Variants in DCP1B observed in about 807,000 individuals in gnomAD.
DCP1B encodes mRNA-decapping enzyme 1B.
DCP1B carries 47 observed loss-of-function variants against 60.5 expected under a neutral mutation model. The ratio of observed to expected loss-of-function variants is 0.78; its 90% CI spans 0.61 to 0.99. DCP1B has a LOEUF of 0.99. Ranked by LOEUF, DCP1B falls within the 50% of genes least tolerant of loss-of-function variation. DCP1B has a pLI of 0.00. For synonymous variants in DCP1B, 267 were observed against 280.3 expected (o/e 0.95, Z 0.47); for missense variants, 725 against 756.8 (o/e 0.96, Z 0.49).
Position 1,955,532 on chromosome 12 carries a change from A to G in DCP1B, c.551T>C (p.Ile184Thr). 6.2e-7 allele frequency: 1 copy of G among 1,613,784 alleles called. No homozygotes were observed. The change falls in exon 6 of 9, where the codon ATA (isoleucine) becomes ACA (threonine). Residue 184 changes from isoleucine (I) to threonine (T), a missense_variant. By Grantham distance (89) the Ile-to-Thr change is moderately conservative. Coordinates refer to ENST00000280665, the MANE Select transcript of DCP1B (RefSeq NM_152640.5). ...GTCATAGATGGCAGAGGAACTGGTT[A>G]TCTTTTTTGGCTCAGAACAGGTTTT... ...KCKTCSEPKK[I>T]TSSSAIYDNP...
intron 3 of DCP1B, chr12:1,992,968 C>T: frequency 1.7e-6 from 1 of 601,394 alleles, no homozygotes; most frequent in Non-Finnish European, 2.9e-6. Flanking sequence ...GAACTTGCCT[C>T]ACCCAGCCCT....
At chr12:1,961,953 G>A (rs1360316988) in intron 5 of DCP1B, among the ~76,000 whole-genome samples, 1 of 152,124 alleles carries the variant, frequency 6.6e-6, no homozygotes, top group Admixed American at 6.5e-5. Context: ...GGAGACACAG[G>A]AGAGTCTCAG....
chr12:1,973,212 A>T (rs919295895), intron 3 of DCP1B, among the ~76,000 whole-genome samples: 1 of 152,162 alleles, frequency 6.6e-6, no homozygotes, highest in African/African-American at 2.4e-5. Context: ...GCTTCTTTTC[A>T]TATGACATGG....
intron 6 of DCP1B, 61 bp from the exon 7 acceptor site, chr12:1,953,349 C>G: frequency 6.8e-7 from 1 of 1,478,424 alleles, no homozygotes; most frequent in Non-Finnish European, 9.0e-7. Flanking sequence ...TGAGGAAGTG[C>G]TATGAAACAT....
intron 5 of DCP1B, among the ~76,000 whole-genome samples, chr12:1,964,943 C>A (rs760909775): frequency 6.6e-6 from 1 of 152,088 alleles, no homozygotes; most frequent in Non-Finnish European, 1.5e-5. Context: ...CCCAGCTATT[C>A]TTTCTTGCAT....
Position 1,965,708 on chromosome 12 carries a change from G to A in DCP1B, c.387-15C>T. 1.3e-6 allele frequency: 2 copies of A among 1,592,078 alleles called. No homozygotes were observed. Among genetic ancestry groups the A allele is most frequent in the Non-Finnish European group, 1.7e-6 (2 of 1,171,944 alleles). On this transcript the variant is annotated splice_polypyrimidine_tract_variant and intron_variant, in intron 4 of 8. Coordinates refer to ENST00000280665, the MANE Select transcript of DCP1B (RefSeq NM_152640.5). ...ACTGAGTTAGGCTAGAAAAACAGAG[G>A]GGAAAATCCACACAAGAAAAGCCAA...
chr12:1,995,143 T>G (rs961174969), intron 2 of DCP1B, among the ~76,000 whole-genome samples: 38 of 152,180 alleles, frequency 2.5e-4, no homozygotes, highest in African/African-American at 8.9e-4. Context: ...AAGAAATCCT[T>G]GAAAATACAA....
At position 1,949,154 on chromosome 12, in the gene DCP1B, G is replaced by A. The variant is rs758143883; in HGVS notation, c.1705C>T (p.Pro569Ser). The A allele has an allele frequency of 1.2e-6, 2 of 1,614,130 alleles. No homozygotes were observed. The highest frequency in any genetic ancestry group is 8.5e-7 in the Non-Finnish European group (1 of 1,180,014). Residue 569 changes from proline (P) to serine (S), a missense_variant, in exon 8 of 9, where the codon CCC becomes TCC. By Grantham distance (74) the Pro-to-Ser change is moderately conservative (BLOSUM62 -1). Transcript: ENST00000280665. ...AGTGGGCTGCTGGTGATCACGGAGG[G>A]CTCCGGGCTCTGTATGGGCAGGAGG... is the stretch of plus-strand genomic sequence containing the variant. ...SLLLPIQSPE[P>S]SVITSSPLTK...
At chr12:1,994,473 AT>A (rs2040312862) in intron 2 of DCP1B, among the ~76,000 whole-genome samples, 1 of 152,202 alleles carries the variant, frequency 6.6e-6, no homozygotes, top group African/African-American at 2.4e-5. Context: ...TGCCTAGCTT[AT>A]TTTACAAAGG....
chr12:2,001,123 TAA>T (rs2042112701), intron 1 of DCP1B, among the ~76,000 whole-genome samples: 1 of 152,138 alleles, frequency 6.6e-6, no homozygotes, highest in Non-Finnish European at 1.5e-5. Context: ...GACACCTGGA[TAA>T]AAGAGACTTT....
chr12:1,944,813 C>A (rs1437555229), downstream of DCP1B, among the ~76,000 whole-genome samples: 2 of 150,176 alleles, frequency 1.3e-5, no homozygotes, highest in Non-Finnish European at 3.0e-5. Context: ...AAATGTAAGA[C>A]CTAAAACCAT....
At chr12:2,000,667 G>A (rs1350559117) in intron 1 of DCP1B, among the ~76,000 whole-genome samples, 1 of 152,150 alleles carries the variant, frequency 6.6e-6, no homozygotes, top group African/African-American at 2.4e-5. Context: ...CACAACCTGG[G>A]ACCTGTAGTG....
intron 1 of DCP1B, among the ~76,000 whole-genome samples, chr12:2,001,317 T>A (rs2042152869): frequency 6.6e-6 from 1 of 152,190 alleles, no homozygotes; most frequent in Non-Finnish European, 1.5e-5. Flanking sequence ...AGGACTTTTA[T>A]GTGAAAGTAT....
chr12:1,964,696 G>C (rs1461226720), intron 5 of DCP1B, among the ~76,000 whole-genome samples: 1 of 152,126 alleles, frequency 6.6e-6, no homozygotes, highest in Non-Finnish European at 1.5e-5. Context: ...TAGCTGACTT[G>C]AGATTATCAT....
intron 3 of DCP1B, 176 bp downstream of exon 3, chr12:1,993,088 A>G (rs772948344): frequency 2.4e-6 from 2 of 846,320 alleles, no homozygotes; most frequent in Admixed American, 1.8e-5. Context: ...TCTTCCAAGG[A>G]AGAATCTATT....
intron 3 of DCP1B, chr12:1,992,851 G>T (rs2154474552): frequency 2.5e-6 from 1 of 395,604 alleles, no homozygotes; most frequent in Non-Finnish European, 4.5e-6. Flanking sequence ...CACTTTGTCA[G>T]CTCACTCGGC....
chr12:1,983,351 T>C (rs773165921), intron 3 of DCP1B, among the ~76,000 whole-genome samples: 1 of 152,064 alleles, frequency 6.6e-6, no homozygotes, highest in Admixed American at 6.5e-5. Flanking sequence ...TTAAGAACTT[T>C]CTTCTTTTCC....
rs984122260 is a variant in DCP1B at position 1,962,246 on chromosome 12, G to A, written c.522+3312C>T. ...GAGGAATATTGTACAGGCCAGAGAC[G>A]AGGAGATACGTATGGCTCAGGATTG... On this transcript the variant is annotated intron_variant, in intron 5 of 8. Transcript: ENST00000280665. The surrounding 1 kb of genome is among the most constrained non-coding windows in gnomAD (Gnocchi z 4.4). Among the ~76,000 whole-genome samples, 1 of 152,150 alleles carries A rather than the reference G, an allele frequency of 6.6e-6. No homozygotes were observed. The highest frequency in any genetic ancestry group is 1.5e-5 in the Non-Finnish European group (1 of 68,024).
At chr12:2,001,839 A>AC in intron 1 of DCP1B, among the ~76,000 whole-genome samples, 1 of 152,352 alleles carries the variant, frequency 6.6e-6, no homozygotes, top group Non-Finnish European at 1.5e-5. Context: ...TATAGATGTC[A>AC]CAACACTCTT....
Sources: allele counts gnomAD v4.1 joint callset (sites outside exome capture counted in the v4.1 genomes callset), GRCh38; gene constraint gnomAD v4.1.1; non-coding constraint Gnocchi (gnomAD v3.1); transcripts MANE v1.5; gene names NCBI Gene and HGNC (gene_info 2026-07-23, HGNC 2026-07-21).